RORB: variants seen among roughly 807,000 people sequenced by gnomAD.
The protein encoded by RORB is RAR related orphan receptor B.
In RORB, 6 loss-of-function variants were observed where a neutral mutation model predicts 59.1. The ratio of observed to expected loss-of-function variants is 0.10; its 90% CI spans 0.06 to 0.20. The LOEUF (loss-of-function observed/expected upper bound fraction) is 0.20, where lower values mean the gene tolerates loss of function less well. Among genes scored for constraint, RORB ranks in the 10% least tolerant of loss-of-function variants. The pLI, the probability that RORB is intolerant of heterozygous loss-of-function variation, is 1.00. For synonymous variants in RORB, 215 were observed against 204.5 expected, an observed-to-expected ratio of 1.05 and a Z score of -0.44; for missense variants, 320 against 560.5, an observed-to-expected ratio of 0.57 and a Z score of 4.33.
chr9:74,634,880 A>G lies in RORB; in HGVS notation c.235+108A>G, dbSNP rs115464939. The G allele has an allele frequency of 1.8e-3, 1,883 of 1,031,400 alleles. 22 individuals are homozygous for G. In the African/African-American group the frequency reaches 0.028, roughly 15 times the overall value. The allele number at this position is 1,031,400 out of a possible 1,614,324, so 63.9% of individuals were successfully genotyped here. A position where few individuals can be genotyped will look rare whatever the true frequency, so the allele number is the denominator to read the frequency against. The stretch of plus-strand genomic sequence containing the variant: ...TCTAGATGAGGGAATTGGGGATAAG[A>G]AGAAAAGAAAATCACTGTGCTGCTA... On this transcript the variant is annotated intron_variant, in intron 3 of 9. Transcript: ENST00000376896.
chr9:74,652,824 A>G (rs962900796), intron 4 of RORB, among the ~76,000 whole-genome samples: 2 of 152,190 alleles, frequency 1.3e-5, no homozygotes, highest in Non-Finnish European at 2.9e-5. Context: ...TAAGTTATAA[A>G]TTATTGATGC....
At chr9:74,669,240 A>T (rs1314623297) in intron 8 of RORB, among the ~76,000 whole-genome samples, 1 of 152,238 alleles carries the variant, frequency 6.6e-6, no homozygotes, top group East Asian at 1.9e-4. Context: ...ACACTTCGGG[A>T]GGCCGAGGCC....
At chr9:74,532,186 GCTATT>G (rs1269637599) in intron 1 of RORB, among the ~76,000 whole-genome samples, 1 of 151,882 alleles carries the variant, frequency 6.6e-6, no homozygotes, top group Non-Finnish European at 1.5e-5. Flanking sequence ...TATTTCCTAT[GCTATT>G]CTATACATAA....
At chr9:74,625,346 G>A (rs1823493132) in intron 1 of RORB, among the ~76,000 whole-genome samples, 1 of 152,198 alleles carries the variant, frequency 6.6e-6, no homozygotes, top group African/African-American at 2.4e-5. Flanking sequence ...CAGCATGGTG[G>A]CTCATGCCTG....
chr9:74,682,189 C>T (rs949317448), intron 9 of RORB, among the ~76,000 whole-genome samples: 1 of 149,218 alleles, frequency 6.7e-6, no homozygotes, highest in African/African-American at 2.5e-5. Context: ...CAACCTCCCT[C>T]TGAGGCAGGG....
At chr9:74,592,983 G>A (rs775154540) in intron 1 of RORB, among the ~76,000 whole-genome samples, 16 of 152,024 alleles carry the variant, frequency 1.1e-4, no homozygotes, top group Admixed American at 2.6e-4. Flanking sequence ...TCCATAGACC[G>A]TTTCTTGGGC....
intron 4 of RORB, 137 bp downstream of exon 4, chr9:74,642,952 G>A (rs1823836945): frequency 3.5e-6 from 2 of 577,884 alleles, no homozygotes; most frequent in African/African-American, 1.9e-5. Context: ...AAAACAAATT[G>A]ATTTTTAAAT....
At chr9:74,682,699 A>C (rs1031958201) in intron 9 of RORB, among the ~76,000 whole-genome samples, 2 of 152,186 alleles carry the variant, frequency 1.3e-5, no homozygotes, top group Non-Finnish European at 2.9e-5. Flanking sequence ...CCTCCCGAAA[A>C]GCAGCTAATT....
rs4745329 is a variant in RORB, at chr9:74,524,360, C to T, written c.7+26377C>T. Among the ~76,000 whole-genome samples the T allele has an allele frequency of 2.9e-3, 446 of 151,912 alleles. 10 individuals are homozygous for T. In the East Asian group the frequency reaches 0.055, roughly 19 times the overall value. On this transcript the variant is annotated intron_variant, in intron 1 of 9. Transcript: ENST00000376896. ...TATGGATAATGAAATTGGGTAAAAA[C>T]TTGCCTTGAGTGATTGATACTACAG...
chr9:74,582,295 C>T (rs1416868270), intron 1 of RORB, among the ~76,000 whole-genome samples: 24 of 152,122 alleles, frequency 1.6e-4, no homozygotes, highest in Admixed American at 9.2e-4. Flanking sequence ...GACTTCCTAC[C>T]TTTCTCGATT....
intron 1 of RORB, among the ~76,000 whole-genome samples, chr9:74,544,662 C>T (rs1373387882): frequency 1.3e-5 from 2 of 152,168 alleles, no homozygotes; most frequent in East Asian, 1.9e-4. Context: ...AACCTCATCA[C>T]GACCAGCCCT....
At chr9:74,551,794 A>G (rs148094689) in intron 1 of RORB, among the ~76,000 whole-genome samples, 191 of 152,330 alleles carry the variant, frequency 1.3e-3, no homozygotes, top group African/African-American at 4.4e-3. Flanking sequence ...GAAAAAAATT[A>G]TAGTGGTTGC....
chr9:74,653,968 G>C (rs932359788), intron 4 of RORB, among the ~76,000 whole-genome samples: 1 of 152,104 alleles, frequency 6.6e-6, no homozygotes, highest in Non-Finnish European at 1.5e-5. Flanking sequence ...TTGCTTGTCA[G>C]TTTACTTCTT....
chr9:74,640,225 C>T (rs10283819), intron 3 of RORB, among the ~76,000 whole-genome samples: 11,725 of 152,076 alleles, frequency 0.077, 651 homozygotes, highest in African/African-American at 0.15. Context: ...GGGTTGGTTG[C>T]TTGGTTGGTT....
In RORB at chr9:74,688,573, G is replaced by A. The variant is rs1261320647; in HGVS notation, c.*2955G>A. 1.4e-5 allele frequency: 2 copies of A among 142,920 alleles called. No homozygotes were observed. Among genetic ancestry groups the A allele is most frequent in the Non-Finnish European group, 3.1e-5 (2 of 64,962 alleles). The allele number at this position is 142,920 out of a possible 1,614,324, so 8.9% of individuals were successfully genotyped here. The stretch of plus-strand genomic sequence containing the variant: ...CAGATGTTGCACTGTATCCACTCAG[G>A]GATGTTTCCTTAAAAAAAAAAAATA... On this transcript the variant is annotated 3_prime_UTR_variant, in exon 10 of 10. Transcript: ENST00000376896.
At chr9:74,666,450 G>A (rs1284298201) in intron 7 of RORB, among the ~76,000 whole-genome samples, 1 of 149,088 alleles carries the variant, frequency 6.7e-6, no homozygotes, top group African/African-American at 2.5e-5. Flanking sequence ...GACAAAGCGA[G>A]ACCCTGTTAA....
rs373912488 is a variant in RORB, at chr9:74,673,511, A to G, written c.1224+1610A>G. ...TGTGAGGTTCAAATGAGATTCTAAC[A>G]CGTTGTGAAATGGTGATTATTACTC... On this transcript the variant is annotated intron_variant, in intron 9 of 9. Coordinates refer to ENST00000376896, the MANE Select transcript of RORB (RefSeq NM_006914.4). Among the ~76,000 whole-genome samples the G allele has an allele frequency of 9.9e-5, 15 of 152,230 alleles. No individual in the cohort carries two copies. In the South Asian group the frequency reaches 3.1e-3, roughly 32 times the overall value.
chr9:74,606,518 C>A (rs756426958), intron 1 of RORB, among the ~76,000 whole-genome samples: 40 of 152,174 alleles, frequency 2.6e-4, no homozygotes, highest in Non-Finnish European at 4.9e-4. Flanking sequence ...ACAGTTCTAC[C>A]TTGTAAGATA....
At chr9:74,671,948 T>C in intron 9 of RORB, 47 bp downstream of exon 9, 1 of 1,105,380 alleles carries the variant, frequency 9.0e-7, no homozygotes, top group Non-Finnish European at 1.3e-6. Context: ...GAGAGCACAG[T>C]GAGCAAAAAG....
Sources: gnomAD v4.1 joint callset for allele counts (sites outside exome capture counted in the v4.1 genomes callset) on GRCh38, gnomAD v4.1.1 for gene constraint, MANE v1.5 for transcripts, NCBI Gene and HGNC (gene_info 2026-07-23, HGNC 2026-07-21) for gene names.